Variants in TRHDE observed in about 807,000 individuals in gnomAD.
TRHDE encodes thyrotropin releasing hormone degrading enzyme, also known as thyrotropin-releasing hormone-degrading ectoenzyme.
Under a neutral mutation model 125.7 loss-of-function variants are expected in TRHDE, and 72 were observed. That is an observed-to-expected ratio of 0.57 (90% CI 0.47 to 0.70). TRHDE has a LOEUF of 0.70. Ranked by LOEUF, TRHDE falls within the 30% of genes least tolerant of loss-of-function variation. The pLI is 0.00. For synonymous variants in TRHDE, 509 were observed against 509.1 expected, an observed-to-expected ratio of 1.00 and a Z score of 0.00; for missense variants, 1,110 against 1,327.1, an observed-to-expected ratio of 0.84 and a Z score of 2.54.
intron 2 of TRHDE, among the ~76,000 whole-genome samples, chr12:72,332,936 C>T (rs866016038): frequency 2.6e-5 from 4 of 152,208 alleles, no homozygotes; most frequent in African/African-American, 7.2e-5. Context: ...AGCACTAGAC[C>T]ATTCAGCTTT....
chr12:72,432,441 C>T (rs1175006795), intron 3 of TRHDE, among the ~76,000 whole-genome samples: 4 of 152,174 alleles, frequency 2.6e-5, no homozygotes, highest in African/African-American at 9.7e-5. Context: ...AAGTAAACAA[C>T]CTTGTTTAAG....
chr12:72,629,496 G>A (rs1873390902), intron 15 of TRHDE, among the ~76,000 whole-genome samples: 1 of 151,664 alleles, frequency 6.6e-6, no homozygotes, highest in Admixed American at 6.6e-5. Context: ...ATTAGTTGTA[G>A]AATAGCTCTA....
Position 72,633,645 on chromosome 12 carries a change from G to T in TRHDE, c.2675+11894G>T, listed in dbSNP as rs185528566. The stretch of plus-strand genomic sequence containing the variant: ...TCTTTCCACCCATCACTGACTATGC[G>T]TTTCACTTGGGATTCTGTATCCTCT... On this transcript the variant is annotated intron_variant, in intron 15 of 18. Coordinates refer to ENST00000261180, the MANE Select transcript of TRHDE (RefSeq NM_013381.3). Among the ~76,000 whole-genome samples the T allele has an allele frequency of 1.1e-3, 166 of 152,124 alleles. No individual in the cohort carries two copies. The Middle Eastern group carries it at 0.014, about 12-fold the overall frequency.
At chr12:72,472,653 C>T (rs919452777) in intron 4 of TRHDE, among the ~76,000 whole-genome samples, 1 of 152,108 alleles carries the variant, frequency 6.6e-6, no homozygotes, top group Non-Finnish European at 1.5e-5. Context: ...GGGTTTTCTG[C>T]GTTTTCAGCA....
intron 6 of TRHDE, among the ~76,000 whole-genome samples, chr12:72,515,834 G>T (rs900331143): frequency 1.3e-5 from 2 of 151,362 alleles, no homozygotes; most frequent in Non-Finnish European, 1.5e-5. Flanking sequence ...TGTAAGGAAG[G>T]GATCCAGTTT....
chr12:72,569,872 A>C (rs1304213645), intron 10 of TRHDE, among the ~76,000 whole-genome samples: 4 of 152,016 alleles, frequency 2.6e-5, no homozygotes. Flanking sequence ...TTATATTGTG[A>C]TTCTGAATTC....
chr12:72,138,327 A>G (rs1592454772), intron 2 of TRHDE, among the ~76,000 whole-genome samples: 1 of 152,168 alleles, frequency 6.6e-6, no homozygotes, highest in East Asian at 1.9e-4. Flanking sequence ...GTGAGTCGAG[A>G]TCACACCATT....
At chr12:72,628,511 G>A (rs1378610896) in intron 15 of TRHDE, among the ~76,000 whole-genome samples, 1 of 151,786 alleles carries the variant, frequency 6.6e-6, no homozygotes, top group Non-Finnish European at 1.5e-5. Context: ...TAAAAATTTT[G>A]CAAGCTAATT....
intron 3 of TRHDE, among the ~76,000 whole-genome samples, chr12:72,388,243 T>A (rs1054397348): frequency 5.9e-5 from 9 of 152,238 alleles, no homozygotes; most frequent in African/African-American, 2.2e-4. Flanking sequence ...CCCTCTGTTA[T>A]ATTTCAGTCT....
At chr12:72,368,234 C>T (rs1195073913) in intron 2 of TRHDE, among the ~76,000 whole-genome samples, 1 of 152,106 alleles carries the variant, frequency 6.6e-6, no homozygotes, top group East Asian at 1.9e-4. Context: ...TTGCTAATTC[C>T]AGGTAGTTTA....
Position 72,286,926 on chromosome 12 carries a change from G to A in TRHDE, c.1160G>A (p.Arg387Lys). The A allele has an allele frequency of 6.2e-7, 1 of 1,613,722 alleles. No homozygotes were observed. The highest frequency in any genetic ancestry group is 2.2e-5 in the East Asian group (1 of 44,874). The change falls in exon 2 of 19, where the codon AGA becomes AAA. Residue 387 changes from arginine to lysine, a missense_variant. This residue lies in a region of TRHDE where 252 missense variants were observed against 274.8 expected (regional missense o/e 0.92). Coordinates refer to ENST00000261180, the MANE Select transcript of TRHDE (RefSeq NM_013381.3). ...TGGGCAATTTGCAACTTCACATACA[G>A]AGAAACTACCACCAAGAGTGGGGTT... The part of the protein sequence containing the change: ...LAWAICNFTY[R>K]ETTTKSGVVV...
intron 5 of TRHDE, among the ~76,000 whole-genome samples, chr12:72,497,739 T>G (rs2135933778): frequency 6.6e-6 from 1 of 152,280 alleles, no homozygotes; most frequent in African/African-American, 2.4e-5. Flanking sequence ...CATTAAATTT[T>G]TTCTTTTGAA....
chr12:72,197,217 G>A (rs1592479464), intron 2 of TRHDE, among the ~76,000 whole-genome samples: 2 of 151,984 alleles, frequency 1.3e-5, no homozygotes, highest in Admixed American at 6.6e-5. Context: ...TGCTCATGGC[G>A]TGTTTCCTCA....
chr12:72,499,416 G>T, intron 5 of TRHDE, 82 bp from the exon 6 acceptor site: 1 of 1,493,322 alleles, frequency 6.7e-7, no homozygotes, highest in South Asian at 1.3e-5. Context: ...GCAATTAAGT[G>T]ACACACATTA....
chr12:72,364,798 T>A (rs1253365918), intron 2 of TRHDE, among the ~76,000 whole-genome samples: 1 of 152,094 alleles, frequency 6.6e-6, no homozygotes, highest in East Asian at 1.9e-4. Flanking sequence ...ACTAAATTGA[T>A]ACTGAATTCA....
intron 6 of TRHDE, among the ~76,000 whole-genome samples, chr12:72,509,272 A>C (rs12825716): frequency 0.4 from 60,710 of 149,956 alleles, 14,776 homozygotes; most frequent in African/African-American, 0.66. Context: ...TAACCACCGC[A>C]CCCCCCCGCA....
At chr12:72,183,264 T>A (rs1877132388) in intron 2 of TRHDE, among the ~76,000 whole-genome samples, 1 of 152,242 alleles carries the variant, frequency 6.6e-6, no homozygotes, top group South Asian at 2.1e-4. Flanking sequence ...AAAGGCTGAT[T>A]TGTTGTAATG....
intron 2 of TRHDE, chr12:72,140,395 T>A (rs1876086215): frequency 6.6e-6 from 1 of 150,756 alleles, no homozygotes; most frequent in Admixed American, 6.6e-5. Context: ...CCACCCCCGC[T>A]TCCAGTTGTT....
At chr12:72,469,730 C>A in intron 3 of TRHDE, 28 bp from the exon 4 acceptor site, 1 of 1,609,670 alleles carries the variant, frequency 6.2e-7, no homozygotes, top group Non-Finnish European at 8.5e-7. Flanking sequence ...TTGTTAAAGC[C>A]TTTGGAACTG....
Sources: gnomAD v4.1 joint callset for allele counts (sites outside exome capture counted in the v4.1 genomes callset) on GRCh38, gnomAD v4.1.1 for gene constraint, gnomAD v4.1.1 regional missense constraint, MANE v1.5 for transcripts, NCBI Gene and HGNC (gene_info 2026-07-23, HGNC 2026-07-21) for gene names.